The following NIPBL variants were observed in gnomAD, a reference collection of about 807,000 sequenced individuals.
NIPBL encodes the protein nipped-B-like protein.
Under a neutral mutation model 321.8 loss-of-function variants are expected in NIPBL, and 19 were observed. The observed-to-expected ratio is 0.06, with a 90% CI of 0.04 to 0.09. NIPBL has a LOEUF of 0.09. Ranked by LOEUF, NIPBL falls within the 10% of genes least tolerant of loss-of-function variation. The pLI is 1.00. For synonymous variants in NIPBL, 1,106 were observed against 1,114.1 expected (o/e 0.99, Z 0.14); for missense variants, 2,210 against 3,327.0 (o/e 0.66, Z 8.26).
At chr5:37,064,319 C>A in intron 46 of NIPBL, 1 of 1,423,672 alleles carries the variant, frequency 7.0e-7, no homozygotes, top group Non-Finnish European at 9.1e-7. Flanking sequence ...AGTAAAGACA[C>A]GGGTACAAAT....
chr5:37,045,142 G>A (rs983569688), intron 36 of NIPBL, among the ~76,000 whole-genome samples: 38 of 152,118 alleles, frequency 2.5e-4, no homozygotes, highest in African/African-American at 6.7e-4. Flanking sequence ...ACCTGAGGTC[G>A]GGAGTTCGAG....
At chr5:36,938,344 A>C (rs1034314620) in intron 1 of NIPBL, among the ~76,000 whole-genome samples, 29 of 151,456 alleles carry the variant, frequency 1.9e-4, no homozygotes, top group African/African-American at 4.4e-4. Flanking sequence ...ACACACACAC[A>C]CCCCCGACCA....
intron 1 of NIPBL, among the ~76,000 whole-genome samples, chr5:36,931,477 C>A (rs1199144508): frequency 6.6e-6 from 1 of 151,986 alleles, no homozygotes; most frequent in Non-Finnish European, 1.5e-5. Context: ...GCCACCATGC[C>A]TGGCTAATTT....
chr5:36,937,972 G>C (rs544117252), intron 1 of NIPBL, among the ~76,000 whole-genome samples: 1 of 152,158 alleles, frequency 6.6e-6, no homozygotes, highest in South Asian at 2.1e-4. Flanking sequence ...AAAACCTTGG[G>C]TTCAGCGGGT....
At chr5:36,956,353 T>C (rs557932918) in intron 3 of NIPBL, among the ~76,000 whole-genome samples, 1 of 152,296 alleles carries the variant, frequency 6.6e-6, no homozygotes, top group African/African-American at 2.4e-5. Flanking sequence ...ATGTTACTCA[T>C]GTAACCTCGC....
At chr5:36,945,642 A>G (rs890884878) in intron 1 of NIPBL, among the ~76,000 whole-genome samples, 1 of 152,168 alleles carries the variant, frequency 6.6e-6, no homozygotes, top group Non-Finnish European at 1.5e-5. Context: ...GAGTTTTAGA[A>G]CTTTGCTTTA....
At chr5:37,009,977 T>C in intron 20 of NIPBL, 110 bp from the exon 21 acceptor site, 1 of 846,604 alleles carries the variant, frequency 1.2e-6, no homozygotes. Context: ...AGCACTAAGA[T>C]CATGCCTAGA....
chr5:37,044,217 T>TTCCC (rs1752745779), intron 34 of NIPBL, 130 bp from the exon 35 acceptor site: 2 of 825,152 alleles, frequency 2.4e-6, no homozygotes, highest in Non-Finnish European at 3.8e-6. Context: ...AAAAAAACTC[T>TTCCC]AACAGACTTT....
chr5:37,062,276 A>G (rs186881162), intron 45 of NIPBL, among the ~76,000 whole-genome samples: 249 of 152,384 alleles, frequency 1.6e-3, no homozygotes, highest in African/African-American at 5.5e-3. Flanking sequence ...CATAAAAGGT[A>G]AAACTGCAAG....
At chr5:36,966,196 T>A (rs1742185949) in intron 6 of NIPBL, among the ~76,000 whole-genome samples, 1 of 152,132 alleles carries the variant, frequency 6.6e-6, no homozygotes, top group East Asian at 1.9e-4. Context: ...ATTTGATTTT[T>A]ACATCTCTTA....
At position 37,027,268 on chromosome 5, in the gene NIPBL, G is replaced by T. The variant is rs1473329551; in HGVS notation, c.5809-91G>T. 3.9e-6 allele frequency: 4 copies of T among 1,012,916 alleles called. No individual in the cohort carries two copies. The Admixed American group carries it at 5.6e-5, about 14-fold the overall frequency. 62.7% of individuals were successfully genotyped at this position (1,012,916 alleles called of 1,614,324 possible). ...AATAAACTTTTGAATTGAGAAAATT[G>T]AAACATGTTTCAGGCTAAAGCATAA... On this transcript the variant is annotated intron_variant, in intron 31 of 46. Coordinates refer to ENST00000282516, the MANE Select transcript of NIPBL (RefSeq NM_133433.4).
intron 36 of NIPBL, among the ~76,000 whole-genome samples, 191 bp downstream of exon 36, chr5:37,044,920 A>G (rs1260752806): frequency 6.6e-6 from 1 of 152,222 alleles, no homozygotes; most frequent in Non-Finnish European, 1.5e-5. Context: ...ATTACTTCAG[A>G]AATTTATCTC....
At position 37,000,313 on chromosome 5, in the gene NIPBL, A is replaced by T. The variant is rs1036670010; in HGVS notation, c.3305-60A>T. ...TCCCCATGTGATTCATTTGTAAAGT[A>T]CAAGTTTTAATCATCTTTTTAAATG... On this transcript the variant is annotated intron_variant, in intron 11 of 46. Transcript: ENST00000282516. 2.6e-6 allele frequency: 4 copies of T among 1,522,508 alleles called. No individual in the cohort carries two copies. In the African/African-American group the frequency reaches 5.5e-5, roughly 21 times the overall value. The allele number at this position is 1,522,508 out of a possible 1,614,324, so 94.3% of individuals were successfully genotyped here. A position where few individuals can be genotyped will look rare whatever the true frequency, so the allele number is the denominator to read the frequency against.
intron 32 of NIPBL, among the ~76,000 whole-genome samples, chr5:37,032,386 C>CGT (rs58831894): frequency 0.085 from 10,432 of 123,416 alleles, 538 homozygotes; most frequent in East Asian, 0.13. Flanking sequence ...TACATGTATA[C>CGT]GTGTGTGTGT....
At chr5:37,017,502 C>T (rs1483069315) in intron 24 of NIPBL, among the ~76,000 whole-genome samples, 1 of 151,532 alleles carries the variant, frequency 6.6e-6, no homozygotes, top group Admixed American at 6.6e-5. Flanking sequence ...TTGTTTTGTA[C>T]TTTTGAATGT....
At chr5:36,891,270 CAAAAA>C (rs1194305813) in intron 1 of NIPBL, among the ~76,000 whole-genome samples, 7 of 151,314 alleles carry the variant, frequency 4.6e-5, no homozygotes, top group African/African-American at 1.7e-4. Flanking sequence ...TCTCAAAAAA[CAAAAA>C]AAGAAAAAGA....
chr5:37,036,925 T>G (rs1328756168), intron 33 of NIPBL, among the ~76,000 whole-genome samples: 1 of 152,034 alleles, frequency 6.6e-6, no homozygotes, highest in Non-Finnish European at 1.5e-5. Context: ...CTAATATTTA[T>G]TATTTATAAT....
chr5:36,969,837 C>T (rs1017607742), intron 6 of NIPBL, among the ~76,000 whole-genome samples: 8 of 152,140 alleles, frequency 5.3e-5, no homozygotes, highest in Non-Finnish European at 8.8e-5. Flanking sequence ...AACTCTCATA[C>T]GCTACCAATG....
chr5:37,000,754 C>CA, intron 12 of NIPBL, 63 bp from the exon 13 acceptor site: 2 of 1,450,356 alleles, frequency 1.4e-6, no homozygotes, highest in Non-Finnish European at 1.9e-6. Flanking sequence ...AAACTAGAAA[C>CA]AAAAATGGAA....
Sources: gnomAD v4.1 joint callset for allele counts (sites outside exome capture counted in the v4.1 genomes callset) on GRCh38, gnomAD v4.1.1 for gene constraint, MANE v1.5 for transcripts, NCBI Gene and HGNC (gene_info 2026-07-23, HGNC 2026-07-21) for gene names.